The following FUT9 variants were observed in gnomAD, a reference collection of about 807,000 sequenced individuals.
FUT9 encodes the protein fucosyltransferase 9.
Under a neutral mutation model 29.7 loss-of-function variants are expected in FUT9, and 15 were observed. That is an observed-to-expected ratio of 0.51 (90% CI 0.34 to 0.78). FUT9 has a LOEUF of 0.78. Ranked by LOEUF, FUT9 falls within the 30% of genes least tolerant of loss-of-function variation. The probability of loss-of-function intolerance (pLI) is 0.01; values close to 1 mark genes in which losing one functional copy is unlikely to be tolerated. For synonymous variants in FUT9, 169 were observed against 153.7 expected (o/e 1.10, Z -0.74); for missense variants, 319 against 425.4 (o/e 0.75, Z 2.20).
At chr6:96,184,489 C>CTGGGTT (rs1773369214) in intron 2 of FUT9, among the ~76,000 whole-genome samples, 1 of 151,620 alleles carries the variant, frequency 6.6e-6, no homozygotes, top group African/African-American at 2.4e-5. Context: ...CTTTCTTCTT[C>CTGGGTT]TGGGTTTGGG....
intron 2 of FUT9, among the ~76,000 whole-genome samples, chr6:96,143,609 A>G (rs1201574259): frequency 6.7e-6 from 1 of 150,184 alleles, no homozygotes; most frequent in African/African-American, 2.5e-5. Flanking sequence ...CCATATCTCA[A>G]CCCCCAATTA....
chr6:96,202,940 T>G (rs1396931664), intron 2 of FUT9, among the ~76,000 whole-genome samples: 1 of 152,006 alleles, frequency 6.6e-6, no homozygotes, highest in East Asian at 1.9e-4. Flanking sequence ...TTTAGAAGAG[T>G]TTTTGGGAAA....
At chr6:96,163,340 A>C (rs4502939) in intron 2 of FUT9, among the ~76,000 whole-genome samples, 21,148 of 149,962 alleles carry the variant, frequency 0.14, 1,676 homozygotes, top group Non-Finnish European at 0.18. Context: ...AAGCAAACTA[A>C]ATATGGCCTG....
intron 2 of FUT9, among the ~76,000 whole-genome samples, chr6:96,149,173 T>TA (rs1772631275): frequency 6.6e-6 from 1 of 150,796 alleles, no homozygotes; most frequent in Admixed American, 6.6e-5. Flanking sequence ...AAAAAAAATT[T>TA]TTTTTGAACT....
intron 1 of FUT9, among the ~76,000 whole-genome samples, chr6:96,072,895 C>T (rs1159921390): frequency 6.6e-6 from 1 of 152,148 alleles, no homozygotes; most frequent in Non-Finnish European, 1.5e-5. Context: ...ATGCACCATA[C>T]ATAAAGCCTT....
intron 1 of FUT9, among the ~76,000 whole-genome samples, chr6:96,083,694 A>G (rs1375275705): frequency 6.6e-6 from 1 of 152,038 alleles, no homozygotes; most frequent in Non-Finnish European, 1.5e-5. Flanking sequence ...TTGAGTTACC[A>G]TTTATTGATC....
At chr6:96,137,390 G>T (rs1772367747) in intron 2 of FUT9, among the ~76,000 whole-genome samples, 1 of 152,064 alleles carries the variant, frequency 6.6e-6, no homozygotes, top group Non-Finnish European at 1.5e-5. Context: ...GAGAAAGGCA[G>T]ATGTGTCATA....
At chr6:96,167,945 G>A (rs908480713) in intron 2 of FUT9, among the ~76,000 whole-genome samples, 3 of 152,122 alleles carry the variant, frequency 2.0e-5, no homozygotes, top group Non-Finnish European at 2.9e-5. Flanking sequence ...CACTGAAGGC[G>A]AGACTATAAA....
At chr6:96,187,229 G>T (rs1188091621) in intron 2 of FUT9, among the ~76,000 whole-genome samples, 1 of 152,088 alleles carries the variant, frequency 6.6e-6, no homozygotes, top group Non-Finnish European at 1.5e-5. Flanking sequence ...AGAAATTAAG[G>T]GAAATGTTCT....
At chr6:96,122,888 TA>T (rs1343973908) in intron 2 of FUT9, among the ~76,000 whole-genome samples, 8 of 151,180 alleles carry the variant, frequency 5.3e-5, no homozygotes, top group African/African-American at 1.9e-4. Flanking sequence ...CTACTAAAAA[TA>T]CAAAAAAATA....
At chr6:96,052,446 C>G (rs1433950301) in intron 1 of FUT9, among the ~76,000 whole-genome samples, 2 of 152,168 alleles carry the variant, frequency 1.3e-5, no homozygotes, top group African/African-American at 4.8e-5. Flanking sequence ...ATTCTTTCAC[C>G]CCATAGCTTC....
At chr6:96,046,687 T>A (rs891459586) in intron 1 of FUT9, among the ~76,000 whole-genome samples, 1 of 152,316 alleles carries the variant, frequency 6.6e-6, no homozygotes, top group Admixed American at 6.5e-5. Flanking sequence ...GAGCCCATCT[T>A]CTTCACTGCT....
intron 1 of FUT9, among the ~76,000 whole-genome samples, chr6:96,105,809 A>T (rs983544238): frequency 2.1e-4 from 32 of 152,266 alleles, no homozygotes; most frequent in African/African-American, 7.2e-4. Context: ...TCCTCTAAAA[A>T]TTAGGAACAT....
rs534291577 is a variant in FUT9 at position 96,190,105 on chromosome 6, G to T, written c.-8-13043G>T. Among the ~76,000 whole-genome samples the T allele has an allele frequency of 2.6e-5, 4 of 152,200 alleles. No individual in the cohort carries two copies. The East Asian group carries it at 7.7e-4, about 29-fold the overall frequency. On this transcript the variant is annotated intron_variant, in intron 2 of 2. Transcript: ENST00000302103. ...GAGCTCTTGTAGGGCAGGCCTGGTG[G>T]TGACAAAATCTCTCAGCATTTGCTT...
At chr6:96,187,196 C>T (rs1437166573) in intron 2 of FUT9, among the ~76,000 whole-genome samples, 1 of 152,146 alleles carries the variant, frequency 6.6e-6, no homozygotes, top group Non-Finnish European at 1.5e-5. Context: ...ACTAAAGCCT[C>T]TATCATTAGC....
intron 2 of FUT9, among the ~76,000 whole-genome samples, chr6:96,179,036 C>T (rs1190281335): frequency 1.3e-5 from 2 of 151,820 alleles, no homozygotes; most frequent in African/African-American, 4.8e-5. Flanking sequence ...TTATTTTATA[C>T]CACAAGAAGC....
chr6:96,175,724 C>T (rs1448181715), intron 2 of FUT9, among the ~76,000 whole-genome samples: 1 of 152,138 alleles, frequency 6.6e-6, no homozygotes, highest in African/African-American at 2.4e-5. Flanking sequence ...CCAGCGATTG[C>T]AAACTTTCTA....
chr6:96,138,388 C>G (rs549780485), intron 2 of FUT9, among the ~76,000 whole-genome samples: 1 of 151,554 alleles, frequency 6.6e-6, no homozygotes, highest in East Asian at 1.9e-4. Context: ...AAAAATAGAT[C>G]AGGACGCTGA....
chr6:96,181,437 C>CT (rs5878424), intron 2 of FUT9, among the ~76,000 whole-genome samples: 138,621 of 151,660 alleles, frequency 0.91, 64,647 homozygotes, highest in Non-Finnish European at 1. Flanking sequence ...CTTCATAGTT[C>CT]TTTTTTAATT....
Sources: allele counts gnomAD v4.1 joint callset (sites outside exome capture counted in the v4.1 genomes callset), GRCh38; gene constraint gnomAD v4.1.1; transcripts MANE v1.5; gene names NCBI Gene and HGNC (gene_info 2026-07-23, HGNC 2026-07-21).